Variants in EIF4G3 observed in about 807,000 individuals in gnomAD.
EIF4G3 encodes eukaryotic translation initiation factor 4 gamma 3.
A neutral mutation model predicts 186.4 loss-of-function variants in EIF4G3; 34 were observed. The ratio of observed to expected loss-of-function variants is 0.18; its 90% CI spans 0.14 to 0.24. The LOEUF (loss-of-function observed/expected upper bound fraction) is 0.24. EIF4G3 is among the 10% of genes least tolerant of loss of function. The pLI is 1.00. For synonymous variants in EIF4G3, 673 were observed against 679.5 expected (o/e 0.99, Z 0.15); for missense variants, 1,536 against 1,948.5 (o/e 0.79, Z 3.99).
In EIF4G3 at chr1:20,942,057, G is replaced by C. The variant is rs759198442; in HGVS notation, c.1097C>G (p.Thr366Arg). 1.9e-6 allele frequency: 3 copies of C among 1,614,074 alleles called. No homozygotes were observed. In the African/African-American group the frequency reaches 4.0e-5, roughly 22 times the overall value. ...AGATGTGAGGCTGGGTATAGGAATT[G>C]TGTCTTCTCTTGGGGATGAGAGTTC... ...RCELSSPRED[T>R]IPIPSLTSCT... Residue 366 changes from threonine (T) to arginine (R), a missense_variant, in exon 14 of 37, where the codon ACA (threonine) becomes AGA (arginine). Transcript: ENST00000602326.
intron 7 of EIF4G3, among the ~76,000 whole-genome samples, chr1:20,984,002 T>G (rs921333677): frequency 6.6e-6 from 1 of 152,214 alleles, no homozygotes; most frequent in African/African-American, 2.4e-5. Context: ...CTGTCCAGAA[T>G]AACTGAGGTT....
chr1:20,966,837 T>C (rs2074800545), intron 12 of EIF4G3, among the ~76,000 whole-genome samples: 1 of 152,184 alleles, frequency 6.6e-6, no homozygotes, highest in South Asian at 2.1e-4. Flanking sequence ...CTACTGTTTT[T>C]CTTAAGAGGA....
chr1:20,810,772 T>G lies in EIF4G3; in HGVS notation c.4710A>C (p.Leu1570=). ...GATCAAGTTTTACTATCGATGCTTG[T>G]AGTGCATAAAGTGCTTGCAGTTCCT... The part of the protein sequence containing the change: ...TEKELQALYA[L]QASIVKLDQP... Residue 1570 remains leucine, a synonymous_variant, in exon 36 of 37, where the codon CTA becomes CTC. Transcript: ENST00000602326. This position sits in a 1 kb window ranked among gnomAD's most constrained non-coding sequence, Gnocchi z 4.1. 1 of 1,614,140 alleles carries G rather than the reference T, an allele frequency of 6.2e-7. No individual in the cohort carries two copies. The highest frequency in any genetic ancestry group is 8.5e-7 in the Non-Finnish European group (1 of 1,179,990).
intron 19 of EIF4G3, among the ~76,000 whole-genome samples, chr1:20,879,949 A>G (rs1026694823): frequency 1.3e-5 from 2 of 152,088 alleles, no homozygotes; most frequent in African/African-American, 4.8e-5. Context: ...AAATTTGTCT[A>G]AATTATGGTA....
chr1:20,928,435 C>A (rs1284044004), intron 14 of EIF4G3, among the ~76,000 whole-genome samples: 1 of 152,156 alleles, frequency 6.6e-6, no homozygotes, highest in Non-Finnish European at 1.5e-5. Context: ...GACAGTCTCA[C>A]TCTGTTGTCC....
At chr1:20,960,162 T>C (rs558520494) in intron 12 of EIF4G3, among the ~76,000 whole-genome samples, 1 of 152,262 alleles carries the variant, frequency 6.6e-6, no homozygotes. Context: ...GATATATAAG[T>C]GTATATATCA....
At chr1:21,077,783 G>A (rs929158710) in intron 3 of EIF4G3, among the ~76,000 whole-genome samples, 6 of 151,870 alleles carry the variant, frequency 4.0e-5, no homozygotes, top group Non-Finnish European at 7.4e-5. Context: ...AGGAGGCTGT[G>A]GCAGGAGAAT....
intron 2 of EIF4G3, among the ~76,000 whole-genome samples, chr1:21,148,311 T>G (rs1156771753): frequency 6.6e-6 from 1 of 152,166 alleles, no homozygotes; most frequent in African/African-American, 2.4e-5. Flanking sequence ...GTCTAAACAA[T>G]CTGCCTACCT....
chr1:21,102,480 T>TCATC (rs1157663141), intron 2 of EIF4G3, among the ~76,000 whole-genome samples: 1 of 152,188 alleles, frequency 6.6e-6, no homozygotes, highest in Non-Finnish European at 1.5e-5. Flanking sequence ...TTAATTAAAT[T>TCATC]CATCCATGAC....
intron 4 of EIF4G3, among the ~76,000 whole-genome samples, chr1:21,014,378 G>A (rs2088192214): frequency 1.3e-5 from 2 of 152,284 alleles, no homozygotes; most frequent in South Asian, 2.1e-4. Flanking sequence ...CAGGTAAATT[G>A]TGTGTCACAG....
intron 18 of EIF4G3, among the ~76,000 whole-genome samples, chr1:20,890,011 C>T (rs2085486630): frequency 6.6e-6 from 1 of 151,368 alleles, no homozygotes; most frequent in African/African-American, 2.4e-5. Context: ...CTTGCTTTGT[C>T]ACCCAGGCTG....
At chr1:21,038,660 TTC>T (rs967521743) in intron 4 of EIF4G3, among the ~76,000 whole-genome samples, 2 of 152,144 alleles carry the variant, frequency 1.3e-5, no homozygotes, top group South Asian at 4.1e-4. Flanking sequence ...TCTTTCTTTC[TTC>T]TCTCTCTCTG....
At chr1:21,052,116 T>C (rs960647423) in intron 3 of EIF4G3, among the ~76,000 whole-genome samples, 3 of 152,222 alleles carry the variant, frequency 2.0e-5, no homozygotes, top group Non-Finnish European at 2.9e-5. Context: ...TTTATACAAC[T>C]GAAAAATAAT....
chr1:20,923,880 C>T (rs551817964), intron 14 of EIF4G3, among the ~76,000 whole-genome samples: 39 of 151,446 alleles, frequency 2.6e-4, no homozygotes, highest in Admixed American at 9.9e-4. Flanking sequence ...TGGAAAAAGA[C>T]TTTGCCTCAT....
intron 14 of EIF4G3, among the ~76,000 whole-genome samples, chr1:20,937,646 T>C (rs972002658): frequency 9.2e-5 from 14 of 152,088 alleles, no homozygotes; most frequent in Non-Finnish European, 1.8e-4. Context: ...AATAATAAAA[T>C]AAAAAAGTCA....
intron 2 of EIF4G3, among the ~76,000 whole-genome samples, chr1:21,168,843 G>GA (rs201086574): frequency 1.0e-3 from 149 of 145,756 alleles, no homozygotes; most frequent in Non-Finnish European, 1.3e-3. Flanking sequence ...AAAATCCACA[G>GA]AAAAAAAAAA....
intron 15 of EIF4G3, among the ~76,000 whole-genome samples, chr1:20,900,521 AAAAAG>A (rs1231007448): frequency 2.0e-5 from 3 of 151,864 alleles, no homozygotes; most frequent in Non-Finnish European, 2.9e-5. Flanking sequence ...ATAAAAAAAA[AAAAAG>A]AGAGAGAGAG....
intron 2 of EIF4G3, among the ~76,000 whole-genome samples, chr1:21,131,113 G>A (rs955606003): frequency 1.3e-5 from 2 of 151,750 alleles, no homozygotes; most frequent in Non-Finnish European, 2.9e-5. Context: ...GCTGGTGCGC[G>A]CCTGTAATCC....
intron 19 of EIF4G3, among the ~76,000 whole-genome samples, chr1:20,883,870 A>C (rs188388060): frequency 5.0e-4 from 76 of 152,296 alleles, no homozygotes; most frequent in African/African-American, 1.7e-3. Flanking sequence ...GCTCGAATGG[A>C]AAGACAAAAA....
Sources: gnomAD v4.1 joint callset for allele counts (sites outside exome capture counted in the v4.1 genomes callset) on GRCh38, gnomAD v4.1.1 for gene constraint, Gnocchi (gnomAD v3.1) non-coding constraint, MANE v1.5 for transcripts, NCBI Gene and HGNC (gene_info 2026-07-23, HGNC 2026-07-21) for gene names.